CACNA2D1: variants seen among roughly 807,000 people sequenced by gnomAD.
CACNA2D1 encodes calcium voltage-gated channel auxiliary subunit alpha2delta 1.
In CACNA2D1, 53 loss-of-function variants were observed where a neutral mutation model predicts 171.5. The observed-to-expected ratio is 0.31, with a 90% CI of 0.25 to 0.39. CACNA2D1 has a LOEUF of 0.39. CACNA2D1 is among the 10% of genes least tolerant of loss of function. The pLI is 1.00. For synonymous variants in CACNA2D1, 442 were observed against 443.1 expected (o/e 1.00, Z 0.03); for missense variants, 903 against 1,299.8 (o/e 0.69, Z 4.69).
chr7:81,954,244 A>G (rs921915702), intron 38 of CACNA2D1, among the ~76,000 whole-genome samples: 3 of 152,110 alleles, frequency 2.0e-5, no homozygotes, highest in African/African-American at 7.2e-5. Flanking sequence ...TAAGTAGAAA[A>G]TAACAGATTG....
intron 1 of CACNA2D1, among the ~76,000 whole-genome samples, chr7:82,362,848 C>T: frequency 6.6e-6 from 1 of 152,128 alleles, no homozygotes. Flanking sequence ...TAAATGGAAG[C>T]CTCCTTTATA....
intron 3 of CACNA2D1, among the ~76,000 whole-genome samples, chr7:82,222,223 G>A (rs533487445): frequency 6.6e-6 from 1 of 152,278 alleles, no homozygotes; most frequent in African/African-American, 2.4e-5. Flanking sequence ...CTACTGTATG[G>A]CAGGGATTTA....
At chr7:82,154,485 A>G (rs1794169172) in intron 4 of CACNA2D1, among the ~76,000 whole-genome samples, 1 of 152,008 alleles carries the variant, frequency 6.6e-6, no homozygotes, top group Non-Finnish European at 1.5e-5. Context: ...GTGGTGGGGG[A>G]CAAGGGGAGG....
At chr7:82,078,156 G>T (rs1394772841) in intron 7 of CACNA2D1, among the ~76,000 whole-genome samples, 1 of 152,020 alleles carries the variant, frequency 6.6e-6, no homozygotes, top group East Asian at 1.9e-4. Flanking sequence ...TTCCTTTATT[G>T]TAATCTCATA....
At chr7:81,988,047 C>T (rs535700803) in intron 21 of CACNA2D1, among the ~76,000 whole-genome samples, 4 of 152,224 alleles carry the variant, frequency 2.6e-5, no homozygotes, top group South Asian at 2.1e-4. Context: ...TTGTGAGACA[C>T]GTAAAACACC....
At chr7:82,182,082 T>G (rs1797191069) in intron 3 of CACNA2D1, among the ~76,000 whole-genome samples, 1 of 152,188 alleles carries the variant, frequency 6.6e-6, no homozygotes, top group Non-Finnish European at 1.5e-5. Context: ...CTCCTTTCCC[T>G]TCCTTTTTTC....
chr7:82,359,178 T>C (rs1394166816), intron 1 of CACNA2D1, among the ~76,000 whole-genome samples: 2 of 152,230 alleles, frequency 1.3e-5, no homozygotes, highest in Admixed American at 6.5e-5. Context: ...GCTAAAATTC[T>C]AATTGCTCAT....
chr7:82,270,120 T>G (rs1357110989), intron 3 of CACNA2D1, among the ~76,000 whole-genome samples: 1 of 152,160 alleles, frequency 6.6e-6, no homozygotes, highest in Admixed American at 6.6e-5. Context: ...GCTTTCTATC[T>G]AACTAAATTC....
chr7:81,969,036 C>T lies in CACNA2D1; in HGVS notation c.2309-63G>A, dbSNP rs1188652164. 4 of 952,298 alleles carry T rather than the reference C, an allele frequency of 4.2e-6. No individual in the cohort carries two copies. The East Asian group carries it at 1.0e-4, about 25-fold the overall frequency. The allele number at this position is 952,298 out of a possible 1,614,324, so 59.0% of individuals were successfully genotyped here. ...TATATTGAATAATAATATTGATTTT[C>T]CGTCATTAGATACAAATGGATAGTA... is the stretch of plus-strand genomic sequence containing the variant. On this transcript the variant is annotated intron_variant, in intron 28 of 38. Transcript: ENST00000356860.
intron 10 of CACNA2D1, among the ~76,000 whole-genome samples, chr7:82,053,311 T>G (rs1562928960): frequency 2.0e-5 from 3 of 151,516 alleles, no homozygotes; most frequent in Admixed American, 2.0e-4. Flanking sequence ...AGAAGGTTAA[T>G]GCACAAATAA....
chr7:82,120,893 G>C (rs202169941), intron 5 of CACNA2D1, among the ~76,000 whole-genome samples: 5 of 113,292 alleles, frequency 4.4e-5, no homozygotes, highest in African/African-American at 1.0e-4. Context: ...AAAAAAAAAA[G>C]AATGTTTAAA....
At chr7:82,075,232 A>C (rs942253308) in intron 7 of CACNA2D1, among the ~76,000 whole-genome samples, 3 of 141,856 alleles carry the variant, frequency 2.1e-5, no homozygotes, top group African/African-American at 5.1e-5. Flanking sequence ...AAAAAAAAAA[A>C]CCCTTATTAC....
At position 82,214,435 on chromosome 7, in the gene CACNA2D1, G is replaced by A. The variant is rs140220983; in HGVS notation, c.295-43826C>T. Among the ~76,000 whole-genome samples, 46 of 149,792 alleles carry A rather than the reference G, an allele frequency of 3.1e-4. 1 individual carries two copies. The highest frequency in any genetic ancestry group is 2.3e-3 in the East Asian group (12 of 5,114). On this transcript the variant is annotated intron_variant, in intron 3 of 38. Transcript: ENST00000356860. ...CTTCGGGGAAGGAGCAAGCCCATGCGCAAGGTGGCTTTTTTTTTTTTTCTT... is the reference window on the plus strand; with the variant it reads ...CTTCGGGGAAGGAGCAAGCCCATGCACAAGGTGGCTTTTTTTTTTTTTCTT...
intron 3 of CACNA2D1, among the ~76,000 whole-genome samples, chr7:82,176,639 T>C (rs941881778): frequency 6.6e-6 from 1 of 151,854 alleles, no homozygotes; most frequent in South Asian, 2.1e-4. Flanking sequence ...CTTTGGTACA[T>C]TTCAACATTT....
At chr7:81,979,173 A>G (rs2130588055) in intron 24 of CACNA2D1, among the ~76,000 whole-genome samples, 1 of 152,046 alleles carries the variant, frequency 6.6e-6, no homozygotes, top group South Asian at 2.1e-4. Flanking sequence ...GGGTCTGGGG[A>G]GGGTTGGGGA....
At chr7:82,238,202 C>T (rs961345170) in intron 3 of CACNA2D1, among the ~76,000 whole-genome samples, 4 of 152,016 alleles carry the variant, frequency 2.6e-5, no homozygotes, top group African/African-American at 9.7e-5. Context: ...ACCACTACCT[C>T]ACATGTAACA....
At chr7:82,075,775 T>G (rs1004945003) in intron 7 of CACNA2D1, among the ~76,000 whole-genome samples, 13 of 152,250 alleles carry the variant, frequency 8.5e-5, no homozygotes, top group Admixed American at 8.5e-4. Context: ...TCTTTTTAAT[T>G]TTTCATAATC....
At chr7:82,213,579 G>A (rs1055581558) in intron 3 of CACNA2D1, among the ~76,000 whole-genome samples, 2 of 152,104 alleles carry the variant, frequency 1.3e-5, no homozygotes, top group African/African-American at 4.8e-5. Context: ...TTAAATAATA[G>A]AATAATGCAC....
At chr7:82,205,552 TAA>T (rs77732585) in intron 3 of CACNA2D1, among the ~76,000 whole-genome samples, 1 of 151,646 alleles carries the variant, frequency 6.6e-6, no homozygotes, top group Non-Finnish European at 1.5e-5. Flanking sequence ...ATTACCTTTT[TAA>T]AAAAAAATTA....
Sources: allele counts gnomAD v4.1 joint callset (sites outside exome capture counted in the v4.1 genomes callset), GRCh38; gene constraint gnomAD v4.1.1; transcripts MANE v1.5; gene names NCBI Gene and HGNC (gene_info 2026-07-23, HGNC 2026-07-21).